RBPJ: variants seen among roughly 807,000 people sequenced by gnomAD.
RBPJ encodes the protein recombination signal binding protein for immunoglobulin kappa J region.
A neutral mutation model predicts 67.8 loss-of-function variants in RBPJ; 9 were observed. The ratio of observed to expected loss-of-function variants is 0.13; its 90% CI spans 0.08 to 0.23. RBPJ has a LOEUF of 0.23. Ranked by LOEUF, RBPJ falls within the 10% of genes least tolerant of loss-of-function variation. The pLI, the probability that RBPJ is intolerant of heterozygous loss-of-function variation, is 1.00. For missense variants in RBPJ, 305 were observed against 595.6 expected, an observed-to-expected ratio of 0.51 and a Z score of 5.08; for synonymous variants, 198 against 203.3, an observed-to-expected ratio of 0.97 and a Z score of 0.22.
rs779408919 is a variant in RBPJ at position 26,225,910 on chromosome 4, C to T, written c.-167+62296C>T. ...TGCCTGTAATCCCAGCACTTTGGGA[C>T]GCTGAGGTGGATAGATCGCCTGAGG... On this transcript the variant is annotated intron_variant, in intron 1 of 4. Coordinates refer to the RBPJ transcript ENST00000512351. Among the ~76,000 whole-genome samples the T allele has an allele frequency of 5.3e-5, 8 of 151,566 alleles. No homozygotes were observed. The East Asian group carries it at 5.8e-4, about 11-fold the overall frequency.
At chr4:26,342,463 T>C (rs548138520) in intron 1 of RBPJ, among the ~76,000 whole-genome samples, 2 of 152,318 alleles carry the variant, frequency 1.3e-5, no homozygotes, top group East Asian at 3.9e-4. Context: ...TGCTTTGTAG[T>C]ATGAACATCT....
chr4:26,130,684 T>G, the RBPJ span, among the ~76,000 whole-genome samples: 1 of 152,342 alleles, frequency 6.6e-6, no homozygotes, highest in East Asian at 1.9e-4. Flanking sequence ...CCTTTTTCTA[T>G]GAGAAGAAAA....
At chr4:26,211,687 A>G (rs1718427321) in intron 1 of RBPJ, among the ~76,000 whole-genome samples, 1 of 152,210 alleles carries the variant, frequency 6.6e-6, no homozygotes, top group Non-Finnish European at 1.5e-5. Context: ...CTCACCTTCC[A>G]TTCGGGTAGA....
intron 1 of RBPJ, among the ~76,000 whole-genome samples, chr4:26,340,395 G>C (rs1398505128): frequency 6.6e-6 from 1 of 152,144 alleles, no homozygotes; most frequent in East Asian, 1.9e-4. Flanking sequence ...TCCAAAATGT[G>C]CAAGGTTTTA....
chr4:26,183,396 C>G (rs564259837), intron 1 of RBPJ, among the ~76,000 whole-genome samples: 1 of 152,198 alleles, frequency 6.6e-6, no homozygotes, highest in Non-Finnish European at 1.5e-5. Flanking sequence ...AGGGAAGAGT[C>G]AGAGCACACG....
At chr4:26,229,611 G>A (rs1719204707) in intron 1 of RBPJ, among the ~76,000 whole-genome samples, 1 of 152,110 alleles carries the variant, frequency 6.6e-6, no homozygotes, top group Admixed American at 6.5e-5. Flanking sequence ...AAGTGCACAG[G>A]TTTCAGTGAG....
chr4:26,354,210 C>T (rs952318334), intron 1 of RBPJ, among the ~76,000 whole-genome samples: 2 of 152,096 alleles, frequency 1.3e-5, no homozygotes, highest in African/African-American at 2.4e-5. Context: ...GGATTACAGG[C>T]CTGAGCCACC....
At chr4:26,422,610 GGTT>G (rs1354179236) in intron 5 of RBPJ, among the ~76,000 whole-genome samples, 1 of 151,900 alleles carries the variant, frequency 6.6e-6, no homozygotes, top group African/African-American at 2.4e-5. Context: ...TTTTTGTTGT[GGTT>G]GTTGTTATTG....
At chr4:26,265,055 T>G (rs1560235481) in intron 1 of RBPJ, among the ~76,000 whole-genome samples, 1 of 152,184 alleles carries the variant, frequency 6.6e-6, no homozygotes, top group Non-Finnish European at 1.5e-5. Context: ...TGAGGGGTAA[T>G]AAATTATTTT....
chr4:26,310,585 T>G (rs1722393809), intron 1 of RBPJ, among the ~76,000 whole-genome samples: 1 of 152,064 alleles, frequency 6.6e-6, no homozygotes, highest in Non-Finnish European at 1.5e-5. Context: ...AATAATATTG[T>G]CATTTCTGAG....
At chr4:26,119,525 T>C in the RBPJ span, among the ~76,000 whole-genome samples, 2 of 152,214 alleles carry the variant, frequency 1.3e-5, no homozygotes, top group Non-Finnish European at 2.9e-5. Flanking sequence ...CCCCCAAAAC[T>C]GTCCATGTCT....
At chr4:26,127,237 C>A in the RBPJ span, among the ~76,000 whole-genome samples, 1 of 152,252 alleles carries the variant, frequency 6.6e-6, no homozygotes, top group Non-Finnish European at 1.5e-5. Context: ...CACATCACAG[C>A]ATCTGCTACA....
At chr4:26,281,281 T>G (rs1031672492) in intron 1 of RBPJ, among the ~76,000 whole-genome samples, 6 of 152,132 alleles carry the variant, frequency 3.9e-5, no homozygotes, top group African/African-American at 1.4e-4. Context: ...TTTTTGTTTG[T>G]TTGTTTGTTT....
chr4:26,127,008 G>C, the RBPJ span, among the ~76,000 whole-genome samples: 7 of 152,302 alleles, frequency 4.6e-5, no homozygotes, highest in African/African-American at 1.7e-4. Flanking sequence ...GAAGGATTCA[G>C]CCGACCACAC....
In RBPJ at chr4:26,432,317, A is replaced by G. The variant is rs1026741823; in HGVS notation, c.*1310A>G. The G allele has an allele frequency of 6.6e-6, 1 of 152,238 alleles. No individual in the cohort carries two copies. The highest frequency in any genetic ancestry group is 6.5e-5 in the Admixed American group (1 of 15,288). 9.4% of individuals were successfully genotyped at this position (152,238 alleles called of 1,614,324 possible). A position where few individuals can be genotyped will look rare whatever the true frequency, so the allele number is the denominator to read the frequency against. On this transcript the variant is annotated 3_prime_UTR_variant, in exon 11 of 11. Transcript: ENST00000355476. The stretch of plus-strand genomic sequence containing the variant: ...AGATGCTTTTATTAGATGATCAACT[A>G]AAATAGCTGGAAGACAGTACTTTAG...
intron 1 of RBPJ, among the ~76,000 whole-genome samples, chr4:26,165,067 C>G (rs1716215139): frequency 6.6e-6 from 1 of 151,934 alleles, no homozygotes; most frequent in Non-Finnish European, 1.5e-5. Context: ...CTGTATTGAA[C>G]TAGTCTTTAT....
At chr4:26,379,631 C>A (rs1730113991) in intron 1 of RBPJ, among the ~76,000 whole-genome samples, 1 of 152,160 alleles carries the variant, frequency 6.6e-6, no homozygotes, top group Non-Finnish European at 1.5e-5. Context: ...CCTCCATGAT[C>A]ACCTGCTACC....
intron 1 of RBPJ, among the ~76,000 whole-genome samples, chr4:26,282,276 T>C (rs557823294): frequency 6.6e-6 from 1 of 152,242 alleles, no homozygotes; most frequent in East Asian, 1.9e-4. Flanking sequence ...TGCATTTATT[T>C]TTTTTCTGGG....
At chr4:26,292,321 C>G (rs57615956) in intron 1 of RBPJ, among the ~76,000 whole-genome samples, 5,323 of 150,714 alleles carry the variant, frequency 0.035, 504 homozygotes, top group African/African-American at 0.12. Context: ...ACAGTATTTG[C>G]CTTTCTCTGT....
Sources: allele counts gnomAD v4.1 joint callset (sites outside exome capture counted in the v4.1 genomes callset), GRCh38; gene constraint gnomAD v4.1.1; transcripts MANE v1.5; gene names NCBI Gene and HGNC (gene_info 2026-07-23, HGNC 2026-07-21).